The following FNDC3B variants were observed in gnomAD, a reference collection of about 807,000 sequenced individuals.
The protein encoded by FNDC3B is fibronectin type III domain-containing protein 3B.
Under a neutral mutation model 151.5 loss-of-function variants are expected in FNDC3B, and 12 were observed. The ratio of observed to expected loss-of-function variants is 0.08; its 90% CI spans 0.05 to 0.13. The LOEUF is 0.13. Among genes scored for constraint, FNDC3B ranks in the 10% least tolerant of loss-of-function variants. The pLI is 1.00. For synonymous variants in FNDC3B, 528 were observed against 549.0 expected (o/e 0.96, Z 0.54); for missense variants, 1,214 against 1,505.3 (o/e 0.81, Z 3.20).
intron 3 of FNDC3B, among the ~76,000 whole-genome samples, chr3:172,136,675 C>T (rs946552279): frequency 6.6e-6 from 1 of 152,204 alleles, no homozygotes; most frequent in African/African-American, 2.4e-5. Flanking sequence ...CAAAACTCTA[C>T]TTATGTTCTT....
At position 172,344,284 on chromosome 3, in the gene FNDC3B, C is replaced by G. The variant is rs770524832; in HGVS notation, c.2250+26C>G. On this transcript the variant is annotated intron_variant, in intron 19 of 25. Coordinates refer to ENST00000415807, the MANE Select transcript of FNDC3B (RefSeq NM_022763.4). ...GTGAGTATAAGCCCATACACCATAA[C>G]CAGAATCAGAATGCATAATCAGAAC... 8 of 1,574,154 alleles carry G rather than the reference C, an allele frequency of 5.1e-6. No individual in the cohort carries two copies. In the East Asian group the frequency reaches 1.8e-4, roughly 36 times the overall value.
chr3:172,284,835 G>A (rs1277571364), intron 6 of FNDC3B, among the ~76,000 whole-genome samples: 1 of 150,720 alleles, frequency 6.6e-6, no homozygotes, highest in African/African-American at 2.4e-5. Context: ...GAAATATCTT[G>A]GGGGCAGGGA....
In FNDC3B at chr3:172,327,344, G is replaced by A. The variant is rs1732407470; in HGVS notation, c.1255-1608G>A. ...TGGGAAAGGTGCTTCCTGGCTCTAG[G>A]AGGTGGGTGGGGAAGGGGTTCCTTT... On this transcript the variant is annotated intron_variant, in intron 11 of 25. Coordinates refer to ENST00000415807, the MANE Select transcript of FNDC3B (RefSeq NM_022763.4). Among the ~76,000 whole-genome samples the A allele has an allele frequency of 2.0e-5, 3 of 152,278 alleles. No homozygotes were observed. In the South Asian group the frequency reaches 6.2e-4, roughly 32 times the overall value.
chr3:172,237,018 C>G (rs958469172), intron 4 of FNDC3B, among the ~76,000 whole-genome samples: 1 of 152,172 alleles, frequency 6.6e-6, no homozygotes, highest in Non-Finnish European at 1.5e-5. Context: ...AGATTTAAGA[C>G]TTAAATAAGT....
chr3:172,331,517 C>T (rs1732663456), intron 13 of FNDC3B, among the ~76,000 whole-genome samples: 3 of 152,084 alleles, frequency 2.0e-5, no homozygotes, highest in Admixed American at 2.0e-4. Context: ...GCCACCACAC[C>T]CGGCTAATTT....
At chr3:172,146,125 T>C (rs1391596209) in intron 3 of FNDC3B, among the ~76,000 whole-genome samples, 2 of 152,160 alleles carry the variant, frequency 1.3e-5, no homozygotes, top group African/African-American at 4.8e-5. Flanking sequence ...AATAGTTTTT[T>C]AAAAACATTA....
At chr3:172,198,247 C>T (rs979174463) in intron 3 of FNDC3B, among the ~76,000 whole-genome samples, 3 of 151,946 alleles carry the variant, frequency 2.0e-5, no homozygotes, top group African/African-American at 4.8e-5. Context: ...AATAGAGAAT[C>T]GTATTTAGAA....
At chr3:172,250,245 A>G (rs1727999825) in intron 5 of FNDC3B, among the ~76,000 whole-genome samples, 1 of 152,198 alleles carries the variant, frequency 6.6e-6, no homozygotes, top group African/African-American at 2.4e-5. Context: ...GTCAGGTGAC[A>G]TTCTACATTT....
In FNDC3B at chr3:172,240,896, A is replaced by C. The variant is rs369629194; in HGVS notation, c.265-6637A>C. Among the ~76,000 whole-genome samples, 15 of 152,298 alleles carry C rather than the reference A, an allele frequency of 9.8e-5. No homozygotes were observed. In the South Asian group the frequency reaches 2.9e-3, roughly 29 times the overall value. On this transcript the variant is annotated intron_variant, in intron 4 of 25. Transcript: ENST00000415807. ...ATTTATAAGAACACTAGTATAAGAC[A>C]AAGATTCTCTCCGTTGCACATTTTG... is the stretch of plus-strand genomic sequence containing the variant.
At chr3:172,122,237 G>C (rs777128518) in intron 2 of FNDC3B, among the ~76,000 whole-genome samples, 1 of 151,822 alleles carries the variant, frequency 6.6e-6, no homozygotes, top group South Asian at 2.1e-4. Context: ...CGTAAAATTC[G>C]TAACATTAAT....
intron 3 of FNDC3B, among the ~76,000 whole-genome samples, chr3:172,161,638 C>T (rs746742513): frequency 1.5e-4 from 23 of 152,364 alleles, no homozygotes; most frequent in South Asian, 4.1e-4. Flanking sequence ...CTGACAATGT[C>T]TGACACTGTT....
chr3:172,206,114 T>G (rs1725409084), intron 3 of FNDC3B, among the ~76,000 whole-genome samples: 1 of 152,182 alleles, frequency 6.6e-6, no homozygotes, highest in African/African-American at 2.4e-5. Context: ...ATAGTACTAT[T>G]GCCTAGTGTA....
chr3:172,094,690 A>T (rs895700276), intron 1 of FNDC3B, among the ~76,000 whole-genome samples: 1 of 151,946 alleles, frequency 6.6e-6, no homozygotes, highest in South Asian at 2.1e-4. Flanking sequence ...GTTCCTGCAC[A>T]TATCTGGAGA....
At chr3:172,089,646 ATC>A in intron 1 of FNDC3B, among the ~76,000 whole-genome samples, 1 of 152,310 alleles carries the variant, frequency 6.6e-6, no homozygotes, top group African/African-American at 2.4e-5. Flanking sequence ...CTATCTTAAT[ATC>A]TCTGACAGAA....
At chr3:172,199,994 A>G (rs1344014398) in intron 3 of FNDC3B, among the ~76,000 whole-genome samples, 1 of 112,118 alleles carries the variant, frequency 8.9e-6, no homozygotes, top group Non-Finnish European at 2.0e-5. Flanking sequence ...CTGTTTTACA[A>G]TACTTTGTAT....
intron 3 of FNDC3B, among the ~76,000 whole-genome samples, chr3:172,221,588 A>G (rs372518594): frequency 1.5e-3 from 224 of 152,308 alleles, no homozygotes; most frequent in Middle Eastern, 6.8e-3. Flanking sequence ...TTGAAGAACC[A>G]CTGCAGCAGA....
At chr3:172,284,017 G>A (rs1227042168) in intron 6 of FNDC3B, among the ~76,000 whole-genome samples, 8 of 151,752 alleles carry the variant, frequency 5.3e-5, no homozygotes, top group East Asian at 1.9e-4. Flanking sequence ...GAACGCAACA[G>A]GAAAAAAAAT....
chr3:172,361,963 C>T (rs759012244), intron 22 of FNDC3B, among the ~76,000 whole-genome samples: 31 of 152,272 alleles, frequency 2.0e-4, no homozygotes, highest in Admixed American at 5.9e-4. Context: ...TAAGCCACCA[C>T]GCCTGGCCTA....
chr3:172,085,372 C>T (rs972645559), intron 1 of FNDC3B, among the ~76,000 whole-genome samples: 1 of 152,014 alleles, frequency 6.6e-6, no homozygotes, highest in Non-Finnish European at 1.5e-5. Context: ...GGCCTGCATT[C>T]CTATATGGTT....
Sources: allele counts gnomAD v4.1 joint callset (sites outside exome capture counted in the v4.1 genomes callset), GRCh38; gene constraint gnomAD v4.1.1; transcripts MANE v1.5; gene names NCBI Gene and HGNC (gene_info 2026-07-23, HGNC 2026-07-21).